Variants in SUSD1 observed in about 807,000 individuals in gnomAD.
SUSD1 encodes sushi domain-containing protein 1.
In SUSD1, 65 loss-of-function variants were observed where a neutral mutation model predicts 86.9. The ratio of observed to expected loss-of-function variants is 0.75; its 90% CI spans 0.61 to 0.92. SUSD1 has a LOEUF of 0.92. SUSD1 is among the 40% of genes least tolerant of loss of function. SUSD1 has a pLI of 0.00. For missense variants in SUSD1, 850 were observed against 929.7 expected (o/e 0.91, Z 1.11); for synonymous variants, 346 against 350.0 (o/e 0.99, Z 0.13).
intron 8 of SUSD1, among the ~76,000 whole-genome samples, chr9:112,109,238 A>C (rs1256598270): frequency 4.6e-5 from 7 of 152,264 alleles, no homozygotes; most frequent in Non-Finnish European, 7.3e-5. Flanking sequence ...CTTTTGAGAA[A>C]GTTTTCAACT....
chr9:112,095,969 T>C (rs1303579414), intron 10 of SUSD1, among the ~76,000 whole-genome samples: 1 of 152,144 alleles, frequency 6.6e-6, no homozygotes, highest in African/African-American at 2.4e-5. Flanking sequence ...AAGAAAGACC[T>C]AGAGCCACCA....
At chr9:112,171,636 G>C (rs1369559508) in intron 1 of SUSD1, among the ~76,000 whole-genome samples, 4 of 152,116 alleles carry the variant, frequency 2.6e-5, no homozygotes, top group Non-Finnish European at 5.9e-5. Context: ...ATGGGAGAAG[G>C]GAAACACAGT....
chr9:112,094,466 T>C (rs907572153), intron 10 of SUSD1, among the ~76,000 whole-genome samples: 4 of 152,144 alleles, frequency 2.6e-5, no homozygotes, highest in African/African-American at 9.7e-5. Context: ...AGAAACTCTT[T>C]GGGGGCTAAA....
chr9:112,092,762 C>T (rs1308972743), intron 10 of SUSD1, among the ~76,000 whole-genome samples: 1 of 151,988 alleles, frequency 6.6e-6, no homozygotes, highest in Non-Finnish European at 1.5e-5. Context: ...TAATGAATCA[C>T]AATGGAAAAG....
chr9:112,083,508 G>A (rs1262834298), intron 10 of SUSD1, among the ~76,000 whole-genome samples: 2 of 152,208 alleles, frequency 1.3e-5, no homozygotes, highest in African/African-American at 4.8e-5. Flanking sequence ...AATTACAGGT[G>A]TGAGCCACCG....
chr9:112,168,862 C>T (rs2131859023), intron 1 of SUSD1, among the ~76,000 whole-genome samples: 1 of 152,266 alleles, frequency 6.6e-6, no homozygotes, highest in South Asian at 2.1e-4. Flanking sequence ...TTAACCTAAC[C>T]CTCAACCATT....
chr9:112,166,763 G>A (rs1172975584), intron 1 of SUSD1, among the ~76,000 whole-genome samples: 1 of 152,168 alleles, frequency 6.6e-6, no homozygotes, highest in African/African-American at 2.4e-5. Context: ...CATACTCAGG[G>A]CCTGAAAGCA....
chr9:112,067,795 T>C (rs1263762844), intron 12 of SUSD1, among the ~76,000 whole-genome samples: 1 of 151,984 alleles, frequency 6.6e-6, no homozygotes, highest in Non-Finnish European at 1.5e-5. Flanking sequence ...AAAACATATG[T>C]ATGAATGCCT....
rs1021322557 is a variant in SUSD1 at position 112,157,608 on chromosome 9, C to T, written c.109G>A (p.Asp37Asn). The change falls in exon 2 of 17, where the codon GAC (aspartate) becomes AAC (asparagine). Residue 37 changes from aspartate to asparagine, a missense_variant. Asp to Asn is a conservative substitution (Grantham distance 23). Coordinates refer to ENST00000374270, the MANE Select transcript of SUSD1 (RefSeq NM_022486.5). ...AAGAPGPDGL[D>N]VCATCHEHAT... ...TGTTCATGGCAAGTGGCACAGACGT[C>T]TAAACCTGAATCATAAATTGTATGT... is the stretch of plus-strand genomic sequence containing the variant. 6.2e-7 allele frequency: 1 copy of T among 1,611,978 alleles called. No individual in the cohort carries two copies. The highest frequency in any genetic ancestry group is 1.1e-5 in the South Asian group (1 of 90,886).
At chr9:112,089,287 T>G (rs921033921) in intron 10 of SUSD1, among the ~76,000 whole-genome samples, 1 of 151,868 alleles carries the variant, frequency 6.6e-6, no homozygotes, top group Non-Finnish European at 1.5e-5. Context: ...GAGAAAGAAA[T>G]GCAGAAAATA....
At chr9:112,167,217 C>T (rs1833863470) in intron 1 of SUSD1, among the ~76,000 whole-genome samples, 1 of 152,146 alleles carries the variant, frequency 6.6e-6, no homozygotes, top group South Asian at 2.1e-4. Flanking sequence ...CCACCTCAGC[C>T]TCCCAAGTAG....
At chr9:112,129,221 G>A (rs2131704773) in intron 5 of SUSD1, among the ~76,000 whole-genome samples, 1 of 152,318 alleles carries the variant, frequency 6.6e-6, no homozygotes, top group Non-Finnish European at 1.5e-5. Context: ...GTTTGGATGT[G>A]AGGGTGAGAA....
At chr9:112,094,304 A>G (rs1023978755) in intron 10 of SUSD1, among the ~76,000 whole-genome samples, 1 of 152,178 alleles carries the variant, frequency 6.6e-6, no homozygotes, top group African/African-American at 2.4e-5. Flanking sequence ...TTCTCTTTAT[A>G]TTGTTTGGAA....
At chr9:112,051,368 A>G (rs1267350098) in intron 15 of SUSD1, among the ~76,000 whole-genome samples, 1 of 148,004 alleles carries the variant, frequency 6.8e-6, no homozygotes, top group African/African-American at 2.5e-5. Flanking sequence ...GATCATGCAT[A>G]GGATAGTTCC....
intron 3 of SUSD1, among the ~76,000 whole-genome samples, chr9:112,147,140 T>C (rs796787632): frequency 5.9e-5 from 9 of 152,352 alleles, no homozygotes; most frequent in African/African-American, 1.9e-4. Context: ...TTTGCTTACC[T>C]ATGACTAACA....
Position 112,097,395 on chromosome 9 carries a change from C to CT in SUSD1, c.1474+1074dup, listed in dbSNP as rs764568520. ...ATGAGTGTCTAACACATTTCAGAGT[C>CT]TTTTTTTTTTTTTTTTTTTTGAGAT... On this transcript the variant is annotated intron_variant, in intron 10 of 16. Coordinates refer to ENST00000374270, the MANE Select transcript of SUSD1 (RefSeq NM_022486.5). Among the ~76,000 whole-genome samples the CT allele has an allele frequency of 8.6e-3, 883 of 103,242 alleles. 15 individuals carry two copies. The highest frequency in any genetic ancestry group is 9.3e-3 in the Non-Finnish European group (502 of 53,690). 67.7% of individuals were successfully genotyped at this position (103,242 alleles called of 152,430 possible).
chr9:112,071,502 G>A (rs117471041), intron 12 of SUSD1, among the ~76,000 whole-genome samples: 3 of 152,196 alleles, frequency 2.0e-5, no homozygotes, highest in Non-Finnish European at 2.9e-5. Context: ...TAGCCTTGGA[G>A]TAGGAATTTG....
At chr9:112,073,510 C>T (rs1829379252) in intron 12 of SUSD1, among the ~76,000 whole-genome samples, 2 of 149,020 alleles carry the variant, frequency 1.3e-5, no homozygotes, top group South Asian at 2.2e-4. Context: ...CGCCCCCACC[C>T]ACCCCCATCC....
intron 12 of SUSD1, among the ~76,000 whole-genome samples, chr9:112,076,061 G>C (rs1160875082): frequency 1.3e-5 from 2 of 152,226 alleles, no homozygotes; most frequent in African/African-American, 4.8e-5. Flanking sequence ...CATGTCCTAT[G>C]ATGAGGAACT....
Sources: gnomAD v4.1 joint callset for allele counts (sites outside exome capture counted in the v4.1 genomes callset) on GRCh38, gnomAD v4.1.1 for gene constraint, MANE v1.5 for transcripts, NCBI Gene and HGNC (gene_info 2026-07-23, HGNC 2026-07-21) for gene names.